SLC26A4: variants seen among roughly 807,000 people sequenced by gnomAD.
SLC26A4 encodes pendrin.
Under a neutral mutation model 90.4 loss-of-function variants are expected in SLC26A4, and 93 were observed. That is an observed-to-expected ratio of 1.03 (90% CI 0.87 to 1.22). SLC26A4 has a LOEUF of 1.22. Ranked by LOEUF, SLC26A4 falls within the 50% of genes most tolerant of loss-of-function variation. SLC26A4 has a pLI of 0.00. For missense variants in SLC26A4, 1,127 were observed against 946.2 expected (o/e 1.19, Z -2.51); for synonymous variants, 393 against 354.6 (o/e 1.11, Z -1.22).
In SLC26A4 at chr7:107,674,965, G is replaced by C; in HGVS notation, c.621G>C (p.Gln207His). Residue 207 changes from glutamine (Q) to histidine (H), a missense_variant, in exon 6 of 21, where the codon CAG becomes CAC. Gln to His is a conservative substitution (Grantham distance 24). Coordinates refer to ENST00000644269, the MANE Select transcript of SLC26A4 (RefSeq NM_000441.2). ...GIIQLIFGGL[Q>H]IGFIVRYLAD... ...CGTAGTTGATATTTGGTGGCTTGCA[G>C]ATTGGATTCATAGTGAGGTACTTGG... 6.2e-7 allele frequency: 1 copy of C among 1,614,108 alleles called. No individual in the cohort carries two copies. Among genetic ancestry groups the C allele is most frequent in the Non-Finnish European group, 8.5e-7 (1 of 1,180,004 alleles).
chr7:107,698,185 C>A, intron 14 of SLC26A4, 74 bp downstream of exon 14: 1 of 949,082 alleles, frequency 1.1e-6, no homozygotes, highest in Non-Finnish European at 1.7e-6. Context: ...ATTTTACGTA[C>A]AAGGTAGCCA....
chr7:107,667,909 C>T (rs139999703), intron 3 of SLC26A4, among the ~76,000 whole-genome samples: 47 of 152,064 alleles, frequency 3.1e-4, no homozygotes, highest in African/African-American at 1.0e-3. Flanking sequence ...TCTGTGTTTT[C>T]GATTAAATGC....
At position 107,671,047 on chromosome 7, in the gene SLC26A4, G is replaced by A. The variant is rs369735449; in HGVS notation, c.305-1091G>A. Among the ~76,000 whole-genome samples, 15 of 152,296 alleles carry A rather than the reference G, an allele frequency of 9.8e-5. No individual in the cohort carries two copies. The East Asian group carries it at 2.9e-3, about 29-fold the overall frequency. Reference sequence around the variant, plus strand: ...TAACTTTTCTTCCCCACCAAAAAAGGAGAAAGGGCAGTGTAACAATGACTG... The same window carrying A: ...TAACTTTTCTTCCCCACCAAAAAAGAAGAAAGGGCAGTGTAACAATGACTG... On this transcript the variant is annotated intron_variant, in intron 3 of 20. Coordinates refer to ENST00000644269, the MANE Select transcript of SLC26A4 (RefSeq NM_000441.2).
intron 8 of SLC26A4, among the ~76,000 whole-genome samples, chr7:107,684,433 G>C (rs561530364): frequency 6.6e-6 from 1 of 152,274 alleles, no homozygotes; most frequent in South Asian, 2.1e-4. Context: ...GCTCTTAATA[G>C]AAACTTCCTC....
intron 6 of SLC26A4, among the ~76,000 whole-genome samples, chr7:107,678,828 T>C (rs751280568): frequency 2.6e-5 from 4 of 152,058 alleles, no homozygotes; most frequent in Non-Finnish European, 2.9e-5. Flanking sequence ...CTTATGACAT[T>C]ACCATTGCAA....
chr7:107,686,413 C>CTTTA, intron 8 of SLC26A4, among the ~76,000 whole-genome samples: 1 of 49,880 alleles, frequency 2.0e-5, no homozygotes, highest in Non-Finnish European at 3.7e-5. Flanking sequence ...TTTTTTCTTT[C>CTTTA]TTTCTTTCTT....
chr7:107,699,123 C>T (rs1444393785), intron 14 of SLC26A4, among the ~76,000 whole-genome samples: 1 of 152,018 alleles, frequency 6.6e-6, no homozygotes, highest in African/African-American at 2.4e-5. Flanking sequence ...GAGCCAAGTG[C>T]CATTAAGAGC....
chr7:107,663,795 C>T (rs948302559), intron 3 of SLC26A4, among the ~76,000 whole-genome samples: 3 of 151,882 alleles, frequency 2.0e-5, no homozygotes, highest in Non-Finnish European at 2.9e-5. Context: ...GCCATTCTCC[C>T]GCCTCAGCCT....
intron 6 of SLC26A4, among the ~76,000 whole-genome samples, chr7:107,676,458 T>A (rs1201292706): frequency 6.6e-6 from 1 of 152,218 alleles, no homozygotes; most frequent in Non-Finnish European, 1.5e-5. Context: ...CAGAGATGAT[T>A]CACCATGCAA....
intron 20 of SLC26A4, among the ~76,000 whole-genome samples, chr7:107,714,597 T>G (rs750410399): frequency 1.3e-5 from 2 of 152,134 alleles, no homozygotes; most frequent in Non-Finnish European, 2.9e-5. Flanking sequence ...TTAAGACTGC[T>G]ATATTATAGG....
rs397516426 is a variant in SLC26A4, at chr7:107,702,052, C to T, written c.2029C>T (p.Arg677Trp). Residue 677 changes from arginine (R) to tryptophan (W), a missense_variant, in exon 17 of 21, where the codon CGG becomes TGG. Transcript: ENST00000644269. Reference sequence around the variant, plus strand: ...GGACGTTGTTGGAGTGAGATCACTGCGGGTGGTAAGGTTCTGGTTTTCTGA... The same window carrying T: ...GGACGTTGTTGGAGTGAGATCACTGTGGGTGGTAAGGTTCTGGTTTTCTGA... ...FLDVVGVRSL[R>W]VIVKEFQRID... 51 of 1,601,618 alleles carry T rather than the reference C, an allele frequency of 3.2e-5. No individual in the cohort carries two copies. Among genetic ancestry groups the T allele is most frequent in the African/African-American group, 1.7e-4 (13 of 74,634 alleles).
intron 18 of SLC26A4, among the ~76,000 whole-genome samples, chr7:107,709,035 A>C (rs181756396): frequency 9.9e-5 from 15 of 152,210 alleles, no homozygotes; most frequent in Non-Finnish European, 2.2e-4. Context: ...TTGAGAATAC[A>C]TCTGAGGAAA....
intron 3 of SLC26A4, among the ~76,000 whole-genome samples, chr7:107,666,160 T>A (rs1790706427): frequency 6.6e-6 from 1 of 152,196 alleles, no homozygotes; most frequent in Non-Finnish European, 1.5e-5. Context: ...AATTATAGAT[T>A]GCAATATCTA....
At chr7:107,679,852 TTATTA>T (rs1438795293) in intron 6 of SLC26A4, among the ~76,000 whole-genome samples, 2 of 84,392 alleles carry the variant, frequency 2.4e-5, no homozygotes, top group Admixed American at 1.3e-4. Context: ...TAATCTTATA[TTATTA>T]TATTATATAA....
chr7:107,707,317 G>T (rs961083564), intron 18 of SLC26A4, among the ~76,000 whole-genome samples: 2 of 152,158 alleles, frequency 1.3e-5, no homozygotes, highest in African/African-American at 4.8e-5. Context: ...ATTAATTCTT[G>T]CTCTGTTTGA....
intron 18 of SLC26A4, among the ~76,000 whole-genome samples, chr7:107,709,542 C>A (rs1792123823): frequency 6.6e-6 from 1 of 152,108 alleles, no homozygotes; most frequent in Non-Finnish European, 1.5e-5. Context: ...GAATTACAGA[C>A]CCAGTCCTCT....
chr7:107,685,434 C>T (rs1286239956), intron 8 of SLC26A4, among the ~76,000 whole-genome samples: 1 of 152,092 alleles, frequency 6.6e-6, no homozygotes, highest in Non-Finnish European at 1.5e-5. Flanking sequence ...TTGTGATATG[C>T]CCCCTTTTGA....
chr7:107,677,767 G>GTAGTGTA (rs1182512892), intron 6 of SLC26A4, among the ~76,000 whole-genome samples: 1 of 151,712 alleles, frequency 6.6e-6, no homozygotes, highest in Non-Finnish European at 1.5e-5. Context: ...CACCACACCT[G>GTAGTGTA]GCTAATTTTC....
At position 107,680,288 on chromosome 7, in the gene SLC26A4, ATCT is replaced by A. The variant is rs1304492094; in HGVS notation, c.766-2912_766-2910del. On this transcript the variant is annotated intron_variant, in intron 6 of 20. Coordinates refer to ENST00000644269, the MANE Select transcript of SLC26A4 (RefSeq NM_000441.2). ...TTATCTTATTATATAATATAATCTT[ATCT>A]TATTATATAATATAATCTTATATTA... 6.1e-5 allele frequency among the ~76,000 whole-genome samples: 6 copies of A among 98,300 alleles called. 1 individual carries two copies. The highest frequency in any genetic ancestry group is 2.7e-4 in the South Asian group (1 of 3,730). 64.5% of individuals were successfully genotyped at this position (98,300 alleles called of 152,430 possible).
Sources: allele counts gnomAD v4.1 joint callset (sites outside exome capture counted in the v4.1 genomes callset), GRCh38; gene constraint gnomAD v4.1.1; transcripts MANE v1.5; gene names NCBI Gene and HGNC (gene_info 2026-07-23, HGNC 2026-07-21).